The following CACNA1E variants were observed in gnomAD, a reference collection of about 807,000 sequenced individuals.
The protein encoded by CACNA1E is voltage-dependent R-type calcium channel subunit alpha-1E.
CACNA1E carries 40 observed loss-of-function variants against 259.2 expected under a neutral mutation model. That is an observed-to-expected ratio of 0.15 (90% CI 0.12 to 0.20). The LOEUF is 0.20. Among genes scored for constraint, CACNA1E ranks in the 10% least tolerant of loss-of-function variants. CACNA1E has a pLI of 1.00. For synonymous variants in CACNA1E, 1,104 were observed against 1,138.5 expected (o/e 0.97, Z 0.61); for missense variants, 1,874 against 3,040.1 (o/e 0.62, Z 9.02).
At chr1:181,473,193 A>C (rs77957119) in intron 2 of CACNA1E, among the ~76,000 whole-genome samples, 51,431 of 151,646 alleles carry the variant, frequency 0.34, 8,864 homozygotes, top group African/African-American at 0.41. Context: ...TTGCTCCCTG[A>C]ACTCCCTTAC....
At chr1:181,340,069 T>G (rs947538685) in intron 1 of CACNA1E, among the ~76,000 whole-genome samples, 2 of 150,290 alleles carry the variant, frequency 1.3e-5, no homozygotes, top group African/African-American at 4.9e-5. Context: ...TTTTTTTACT[T>G]CTAGCACTTT....
Position 181,713,218 on chromosome 1 carries a change from G to A in CACNA1E, c.1172-2120G>A, listed in dbSNP as rs150395093. On this transcript the variant is annotated intron_variant, in intron 8 of 47. Coordinates refer to ENST00000367573, the MANE Select transcript of CACNA1E (RefSeq NM_001205293.3). ...CACCACACACCTTCCATCTGTCCTG[G>A]GGGGTCCCCAGATCTGCTCACCCCA... 6.4e-3 allele frequency among the ~76,000 whole-genome samples: 972 copies of A among 152,172 alleles called. 14 individuals carry two copies. The highest frequency in any genetic ancestry group is 0.023 in the African/African-American group (933 of 41,466).
At chr1:181,690,372 A>T (rs1227500380) in intron 7 of CACNA1E, among the ~76,000 whole-genome samples, 1 of 152,192 alleles carries the variant, frequency 6.6e-6, no homozygotes, top group Non-Finnish European at 1.5e-5. Context: ...TGTTTTGGTT[A>T]CTGTAGCCTT....
At chr1:181,684,859 A>G (rs947127434) in intron 7 of CACNA1E, among the ~76,000 whole-genome samples, 2 of 146,970 alleles carry the variant, frequency 1.4e-5, no homozygotes, top group Non-Finnish European at 3.0e-5. Context: ...CTTCCTAAAT[A>G]AAGGATTTTT....
chr1:181,481,901 T>C (rs1663282630), upstream of CACNA1E, among the ~76,000 whole-genome samples: 2 of 151,706 alleles, frequency 1.3e-5, no homozygotes, highest in South Asian at 2.1e-4. Context: ...GAGTAAAGGA[T>C]GGGGGGCGGG....
intron 6 of CACNA1E, among the ~76,000 whole-genome samples, chr1:181,646,072 G>A (rs1258428647): frequency 2.0e-5 from 3 of 152,172 alleles, no homozygotes; most frequent in African/African-American, 7.2e-5. Context: ...CTTTCCCTAG[G>A]AGTGGTCAGC....
At chr1:181,621,155 ATG>A (rs1655689113) in intron 6 of CACNA1E, among the ~76,000 whole-genome samples, 1 of 152,242 alleles carries the variant, frequency 6.6e-6, no homozygotes, top group Admixed American at 6.5e-5. Flanking sequence ...AGTGACAAAA[ATG>A]TGTGGGCTGT....
At chr1:181,566,455 G>T (rs539676764) in intron 3 of CACNA1E, among the ~76,000 whole-genome samples, 1 of 152,236 alleles carries the variant, frequency 6.6e-6, no homozygotes, top group Non-Finnish European at 1.5e-5. Context: ...TCTCCTAGCT[G>T]TGTCTGAGTG....
chr1:181,598,907 G>T (rs1372389430), intron 6 of CACNA1E, among the ~76,000 whole-genome samples: 1 of 150,354 alleles, frequency 6.7e-6, no homozygotes, highest in African/African-American at 2.4e-5. Flanking sequence ...CTGCTTCCTG[G>T]CTGTGGCCAC....
chr1:181,652,249 G>C (rs189925163), intron 7 of CACNA1E, among the ~76,000 whole-genome samples: 248 of 152,312 alleles, frequency 1.6e-3, no homozygotes, highest in Non-Finnish European at 2.7e-3. Context: ...TAACATCTTA[G>C]GAGAGCTGAG....
chr1:181,394,128 A>G lies in CACNA1E; in HGVS notation c.-14-19005A>G, dbSNP rs1046903247. On this transcript the variant is annotated intron_variant, in intron 1 of 11. Transcript: ENST00000524607. ...GCTGACTCAGTCCAGGTGTGTGTGG[A>G]AGGTGCTTGATACAAGAATGGGAAG... Among the ~76,000 whole-genome samples the G allele has an allele frequency of 2.0e-5, 3 of 152,048 alleles. No homozygotes were observed. In the South Asian group the frequency reaches 6.2e-4, roughly 32 times the overall value.
At chr1:181,658,487 C>T (rs1659389106) in intron 7 of CACNA1E, among the ~76,000 whole-genome samples, 1 of 152,236 alleles carries the variant, frequency 6.6e-6, no homozygotes, top group African/African-American at 2.4e-5. Context: ...ATATACAAAA[C>T]CCTAGCCCAG....
chr1:181,515,370 A>G (rs1004966571), intron 3 of CACNA1E, among the ~76,000 whole-genome samples: 1 of 152,208 alleles, frequency 6.6e-6, no homozygotes, highest in Non-Finnish European at 1.5e-5. Flanking sequence ...AGAGTGGATC[A>G]GAGTTCCAGC....
chr1:181,461,870 T>A (rs1433318832), intron 2 of CACNA1E, among the ~76,000 whole-genome samples: 1 of 152,174 alleles, frequency 6.6e-6, no homozygotes, highest in Non-Finnish European at 1.5e-5. Context: ...AATGCCATCA[T>A]GTACAACTGA....
In CACNA1E at chr1:181,755,365, G is replaced by C; in HGVS notation, c.3957G>C (p.Thr1319=). ...TCAAGGGAAAGTTCTTTTATTGCAC[G>C]GACAGTTCCAAGGACACAGAGAAGG... ...QLFKGKFFYC[T]DSSKDTEKEC... The change falls in exon 28 of 48, where the codon ACG becomes ACC. Residue 1319 remains threonine (T), a synonymous_variant. Coordinates refer to ENST00000367573, the MANE Select transcript of CACNA1E (RefSeq NM_001205293.3). 1 of 1,613,782 alleles carries C rather than the reference G, an allele frequency of 6.2e-7. No individual in the cohort carries two copies. Among genetic ancestry groups the C allele is most frequent in the Non-Finnish European group, 8.5e-7 (1 of 1,179,768 alleles).
chr1:181,458,656 C>T lies in CACNA1E; in HGVS notation c.435-25088C>T, dbSNP rs138028732. Among the ~76,000 whole-genome samples the T allele has an allele frequency of 4.6e-5, 7 of 152,314 alleles. No individual in the cohort carries two copies. The East Asian group carries it at 5.8e-4, about 13-fold the overall frequency. On this transcript the variant is annotated intron_variant, in intron 2 of 11. Transcript: ENST00000524607. ...CTAAGCATCTGGCAGCTGGGACTCTCCATGCCTATGAATATAGAAACTTTT... is the reference window on the plus strand; with the variant it reads ...CTAAGCATCTGGCAGCTGGGACTCTTCATGCCTATGAATATAGAAACTTTT...
At chr1:181,789,834 C>CACCATTTAAACCTCTTCCTACATTG (rs1661142876) in intron 43 of CACNA1E, among the ~76,000 whole-genome samples, 3 of 152,204 alleles carry the variant, frequency 2.0e-5, no homozygotes, top group Admixed American at 2.0e-4. Context: ...CTTTTCTCAC[C>CACCATTTAAACCTCTTCCTACATTG]ACCATTTAAA....
intron 16 of CACNA1E, 139 bp from the exon 17 acceptor site, chr1:181,724,331 C>G: frequency 1.6e-6 from 1 of 644,924 alleles, no homozygotes; most frequent in South Asian, 1.8e-5. Context: ...TCTGTTCTCA[C>G]AGCCCCTGCT....
At position 181,476,788 on chromosome 1, in the gene CACNA1E, T is replaced by C. The variant is rs529442537; in HGVS notation, c.435-6956T>C. On this transcript the variant is annotated intron_variant, in intron 2 of 11. Coordinates refer to the CACNA1E transcript ENST00000524607. ...ATGGATGTGCTCCTGCCGGTTGTTCTCACCCTCTGCTCACCCCCATCAGTG... is the reference window on the plus strand; with the variant it reads ...ATGGATGTGCTCCTGCCGGTTGTTCCCACCCTCTGCTCACCCCCATCAGTG... 7.0e-4 allele frequency among the ~76,000 whole-genome samples: 107 copies of C among 152,258 alleles called. 1 individual carries two copies. The highest frequency in any genetic ancestry group is 2.4e-3 in the African/African-American group (99 of 41,564).
Sources: allele counts gnomAD v4.1 joint callset (sites outside exome capture counted in the v4.1 genomes callset), GRCh38; gene constraint gnomAD v4.1.1; transcripts MANE v1.5; gene names NCBI Gene and HGNC (gene_info 2026-07-23, HGNC 2026-07-21).